Variants in CROCC2 observed in about 807,000 individuals in gnomAD.
The protein encoded by CROCC2 is ciliary rootlet coiled-coil, rootletin family member 2.
CROCC2 carries 163 observed loss-of-function variants against 177.6 expected under a neutral mutation model. The ratio of observed to expected loss-of-function variants is 0.92; its 90% confidence interval spans 0.81 to 1.05. The LOEUF is 1.05. Among genes scored for constraint, CROCC2 ranks in the 50% least tolerant of loss-of-function variants. The probability of loss-of-function intolerance (pLI) is 0.00; values close to 1 mark genes in which losing one functional copy is unlikely to be tolerated. For synonymous variants in CROCC2, 904 were observed against 787.3 expected (o/e 1.15, Z -2.48); for missense variants, 1,929 against 1,797.8 (o/e 1.07, Z -1.32).
chr2:240,964,329 C>T, intron 21 of CROCC2, 137 bp from the exon 22 acceptor site: 1 of 1,070,646 alleles, frequency 9.3e-7, no homozygotes, highest in Non-Finnish European at 1.4e-6. Context: ...GGGAACCCTG[C>T]AGAGGCTGAG....
Position 240,953,674 on chromosome 2 carries a change from G to A in CROCC2, c.2830-2185G>A, listed in dbSNP as rs1260550639. On this transcript the variant is annotated intron_variant, in intron 18 of 31. Coordinates refer to ENST00000690015, the MANE Select transcript of CROCC2 (RefSeq NM_001351305.2). The surrounding 1 kb of genome is among the most constrained non-coding windows in gnomAD (Gnocchi z 4.0). ...AGAAGTGGGGCTGCGGGGTCTAGCAGGACACTTCCCCACACTTCCCTGAGG... is the reference window on the plus strand; with the variant it reads ...AGAAGTGGGGCTGCGGGGTCTAGCAAGACACTTCCCCACACTTCCCTGAGG... 6.6e-6 allele frequency among the ~76,000 whole-genome samples: 1 copy of A among 152,168 alleles called. No individual in the cohort carries two copies. The highest frequency in any genetic ancestry group is 1.9e-4 in the East Asian group (1 of 5,186).
Position 240,958,468 on chromosome 2 carries a change from C to T in CROCC2, c.2944-833C>T, listed in dbSNP as rs551788642. ...GCAGGAACCCCCACCCTAGCAGAAT[C>T]CAGGTGGACAGGAGGGGCTCCAGAG... On this transcript the variant is annotated intron_variant, in intron 19 of 31. Transcript: ENST00000690015. The surrounding 1 kb of genome is among the most constrained non-coding windows in gnomAD (Gnocchi z 6.7). 5.3e-6 allele frequency: 3 copies of T among 569,760 alleles called. No individual in the cohort carries two copies. The South Asian group carries it at 2.3e-4, about 43-fold the overall frequency. The allele number at this position is 569,760 out of a possible 1,614,324, so 35.3% of individuals were successfully genotyped here.
At chr2:240,957,791 C>T (rs1388848773) in intron 19 of CROCC2, among the ~76,000 whole-genome samples, 7 of 152,138 alleles carry the variant, frequency 4.6e-5, no homozygotes, top group Non-Finnish European at 1.0e-4. Flanking sequence ...CCCCTGAGGC[C>T]TGGAGGGTTC....
rs2059333857 is a variant in CROCC2, at chr2:240,918,452, A to G, written c.79-274A>G. On this transcript the variant is annotated intron_variant, in intron 1 of 31. Coordinates refer to ENST00000690015, the MANE Select transcript of CROCC2 (RefSeq NM_001351305.2). This position sits in a 1 kb window ranked among gnomAD's most constrained non-coding sequence, Gnocchi z 6.3. Reference sequence around the variant, plus strand: ...AGCGCTCAGCCCAGCCCCCACCAAGACAGGGCAGAGCCCCAAGCGCAGTAC... The same window carrying G: ...AGCGCTCAGCCCAGCCCCCACCAAGGCAGGGCAGAGCCCCAAGCGCAGTAC... Among the ~76,000 whole-genome samples the G allele has an allele frequency of 6.6e-6, 1 of 152,158 alleles. No individual in the cohort carries two copies. Among genetic ancestry groups the G allele is most frequent in the African/African-American group, 2.4e-5 (1 of 41,442 alleles).
chr2:240,925,334 C>T lies in CROCC2; in HGVS notation c.489-390C>T, dbSNP rs4675848. On this transcript the variant is annotated intron_variant, in intron 4 of 31. Coordinates refer to ENST00000690015, the MANE Select transcript of CROCC2 (RefSeq NM_001351305.2). ...GTGCAGCAGAAGCCGTCCCCCACCA[C>T]GGGCATGTCTGACTCCCTCTCCGCG... Among the ~76,000 whole-genome samples the T allele has an allele frequency of 0.019, 2,884 of 152,204 alleles. 241 individuals are homozygous for T. In the East Asian group the frequency reaches 0.24, roughly 13 times the overall value.
intron 14 of CROCC2, among the ~76,000 whole-genome samples, chr2:240,943,754 A>G (rs1282703514): frequency 6.6e-6 from 1 of 152,188 alleles, no homozygotes; most frequent in African/African-American, 2.4e-5. Context: ...TGCTGGGATT[A>G]CAGGCATTAG....
intron 7 of CROCC2, among the ~76,000 whole-genome samples, chr2:240,931,684 G>A (rs1002841470): frequency 5.3e-5 from 8 of 152,204 alleles, no homozygotes; most frequent in South Asian, 4.1e-4. Context: ...CCTGCTGGCC[G>A]TGGGGCCAGT....
At chr2:240,935,988 T>G (rs2059467320) in intron 14 of CROCC2, among the ~76,000 whole-genome samples, 1 of 151,694 alleles carries the variant, frequency 6.6e-6, no homozygotes, top group South Asian at 2.1e-4. Flanking sequence ...TTCCCCATCT[T>G]TTGTTGAGGA....
chr2:240,970,005 CA>C (rs1392175830), intron 27 of CROCC2, among the ~76,000 whole-genome samples: 4 of 152,332 alleles, frequency 2.6e-5, no homozygotes, highest in East Asian at 3.9e-4. Context: ...GCTGGGATTA[CA>C]GGTGTGAGCC....
chr2:240,965,757 A>G lies in CROCC2; in HGVS notation c.3725A>G (p.His1242Arg). 1 of 1,520,048 alleles carries G rather than the reference A, an allele frequency of 6.6e-7. No individual in the cohort carries two copies. Among genetic ancestry groups the G allele is most frequent in the Non-Finnish European group, 8.8e-7 (1 of 1,133,194 alleles). The allele number at this position is 1,520,048 out of a possible 1,614,324, so 94.2% of individuals were successfully genotyped here. The change falls in exon 24 of 32, where the codon CAC becomes CGC. Residue 1242 changes from histidine (H) to arginine (R), a missense_variant. Around this residue, in one of 3 missense-constraint regions of CROCC2, gnomAD observed 144 missense variants for 205.2 expected, o/e 0.70. Transcript: ENST00000690015. ...GAEQTLRAEL[H>R]SVTRKLQEAS... ...GAGCAGACCCTCCGAGCAGAGCTGCACAGTGTCACCAGGAAGCTGCAGGAA... is the reference window on the plus strand; with the variant it reads ...GAGCAGACCCTCCGAGCAGAGCTGCGCAGTGTCACCAGGAAGCTGCAGGAA...
chr2:240,922,529 TC>T lies in CROCC2; in HGVS notation c.382-8del. ...GCAGCCAGACCAGGTGGGCTATTGC[TC>T]CTCCCCAGCTGCAGGCCCGGCTGGA... On this transcript the variant is annotated splice_polypyrimidine_tract_variant and intron_variant, in intron 3 of 31. Coordinates refer to ENST00000690015, the MANE Select transcript of CROCC2 (RefSeq NM_001351305.2). 2 of 693,740 alleles carry T rather than the reference TC, an allele frequency of 2.9e-6. No homozygotes were observed. Among genetic ancestry groups the T allele is most frequent in the Non-Finnish European group, 5.4e-6 (2 of 370,978 alleles). 43.0% of individuals were successfully genotyped at this position (693,740 alleles called of 1,614,324 possible).
intron 21 of CROCC2, 183 bp downstream of exon 21, chr2:240,963,956 C>G: frequency 1.5e-6 from 1 of 645,756 alleles, no homozygotes; most frequent in East Asian, 2.7e-5. Flanking sequence ...CAATGCTGGC[C>G]AGTGCGAGGG....
chr2:240,956,243 G>T (rs2059589261), intron 19 of CROCC2: 1 of 489,422 alleles, frequency 2.0e-6, no homozygotes, highest in Non-Finnish European at 3.7e-6. Context: ...GAGAGAGGGG[G>T]CCTGGCCCAG....
intron 10 of CROCC2, 45 bp from the exon 11 acceptor site, chr2:240,933,596 CAATGCCCACCAAGGCACGCGGTGCACCTT>C (rs1238028496): frequency 6.8e-7 from 1 of 1,479,704 alleles, no homozygotes; most frequent in East Asian, 2.5e-5. Context: ...ACCCAGCCCC[CAATGCCCACCAAGGCACGCGGTGCACCTT>C]GAATGTGTCC....
At chr2:240,945,544 AGAG>A (rs548450517) in intron 14 of CROCC2, among the ~76,000 whole-genome samples, 1 of 152,326 alleles carries the variant, frequency 6.6e-6, no homozygotes, top group African/African-American at 2.4e-5. Context: ...GCCTTGAGGA[AGAG>A]GAGACATTAA....
At chr2:240,991,790 T>A (rs1385564976) in intron 31 of CROCC2, among the ~76,000 whole-genome samples, 1 of 152,234 alleles carries the variant, frequency 6.6e-6, no homozygotes, top group African/African-American at 2.4e-5. Context: ...CTTCCCCGGC[T>A]TCATTCCGTG....
chr2:240,956,055 A>G, intron 19 of CROCC2, 83 bp downstream of exon 19: 5 of 1,001,310 alleles, frequency 5.0e-6, no homozygotes, highest in Non-Finnish European at 7.5e-6. Context: ...GCCTGGTCCC[A>G]GTGGCATGAC....
chr2:240,981,252 C>T lies in CROCC2; in HGVS notation c.4402-1628C>T, dbSNP rs530207819. Among the ~76,000 whole-genome samples the T allele has an allele frequency of 2.0e-4, 30 of 151,974 alleles. No individual in the cohort carries two copies. The Middle Eastern group carries it at 0.014, about 69-fold the overall frequency. On this transcript the variant is annotated intron_variant, in intron 27 of 31. Coordinates refer to ENST00000690015, the MANE Select transcript of CROCC2 (RefSeq NM_001351305.2). ...CCTGCTCAGTCTCTGGGGTAGGAGC[C>T]TCTGGAGCCCAGGCTCATCCCTGCT...
At chr2:240,987,482 G>A (rs1014863290) in intron 28 of CROCC2, among the ~76,000 whole-genome samples, 3 of 152,144 alleles carry the variant, frequency 2.0e-5, no homozygotes, top group Admixed American at 2.0e-4. Context: ...GGGACTCTCT[G>A]TTTTTCTCAG....
Sources: allele counts gnomAD v4.1 joint callset (sites outside exome capture counted in the v4.1 genomes callset), GRCh38; gene constraint gnomAD v4.1.1; regional missense constraint gnomAD v4.1.1; non-coding constraint Gnocchi (gnomAD v3.1); transcripts MANE v1.5; gene names NCBI Gene and HGNC (gene_info 2026-07-23, HGNC 2026-07-21).